PTPRN2: variants seen among roughly 807,000 people sequenced by gnomAD.
PTPRN2 encodes receptor-type tyrosine-protein phosphatase N2.
Under a neutral mutation model 118.8 loss-of-function variants are expected in PTPRN2, and 74 were observed. The ratio of observed to expected loss-of-function variants is 0.62; its 90% CI spans 0.52 to 0.76. The LOEUF is 0.76. Among genes scored for constraint, PTPRN2 ranks in the 30% least tolerant of loss-of-function variants. The pLI is 0.00. For missense variants in PTPRN2, 1,481 were observed against 1,394.4 expected (o/e 1.06, Z -0.99); for synonymous variants, 641 against 608.0 (o/e 1.05, Z -0.80).
chr7:158,037,119 A>T (rs967968229), intron 11 of PTPRN2, among the ~76,000 whole-genome samples: 1 of 152,244 alleles, frequency 6.6e-6, no homozygotes, highest in Non-Finnish European at 1.5e-5. Flanking sequence ...AATAGTTAGA[A>T]GTTAATTTAA....
chr7:158,182,792 T>C (rs1824823311), intron 5 of PTPRN2, among the ~76,000 whole-genome samples: 1 of 152,248 alleles, frequency 6.6e-6, no homozygotes, highest in African/African-American at 2.4e-5. Context: ...GTTATGTAAA[T>C]ATCTGTTAGA....
chr7:157,540,670 C>T lies in PTPRN2; in HGVS notation c.*44G>A. The T allele has an allele frequency of 5.5e-6, 8 of 1,446,062 alleles. No individual in the cohort carries two copies. Among genetic ancestry groups the T allele is most frequent in the Non-Finnish European group, 7.6e-6 (8 of 1,054,154 alleles). 89.6% of individuals were successfully genotyped at this position (1,446,062 alleles called of 1,614,324 possible). ...AAAGTCAGATCATGATTCCTGACAACATCCGTGGGGTGGGGGCTCCCCTGA... is the reference window on the plus strand; with the variant it reads ...AAAGTCAGATCATGATTCCTGACAATATCCGTGGGGTGGGGGCTCCCCTGA... On this transcript the variant is annotated 3_prime_UTR_variant, in exon 23 of 23. Coordinates refer to ENST00000389418, the MANE Select transcript of PTPRN2 (RefSeq NM_002847.5).
rs1055067820 is a variant in PTPRN2 at position 157,779,957 on chromosome 7, G to A, written c.1789-97020C>T. On this transcript the variant is annotated intron_variant, in intron 12 of 22. Transcript: ENST00000389418. The surrounding 1 kb of genome is among the most constrained non-coding windows in gnomAD (Gnocchi z 4.7). ...AACTCTCAGACTGCTGTGTCCACAC[G>A]GGTTAATAAAAATGCTGACCCCAGT... Among the ~76,000 whole-genome samples the A allele has an allele frequency of 3.9e-5, 6 of 152,126 alleles. No individual in the cohort carries two copies. The highest frequency in any genetic ancestry group is 8.8e-5 in the Non-Finnish European group (6 of 68,016).
chr7:157,839,828 T>A (rs1808240821), intron 12 of PTPRN2, among the ~76,000 whole-genome samples: 1 of 151,596 alleles, frequency 6.6e-6, no homozygotes, highest in African/African-American at 2.4e-5. Context: ...TGTGACTGTG[T>A]GGCCACGTGT....
At chr7:158,215,916 T>C (rs1220069151) in intron 3 of PTPRN2, among the ~76,000 whole-genome samples, 1 of 152,178 alleles carries the variant, frequency 6.6e-6, no homozygotes, top group Non-Finnish European at 1.5e-5. Flanking sequence ...AAAAGGAATT[T>C]TGGAGCATCA....
chr7:157,906,020 G>A (rs1458675510), intron 11 of PTPRN2, among the ~76,000 whole-genome samples: 2 of 152,218 alleles, frequency 1.3e-5, no homozygotes, highest in East Asian at 1.9e-4. Flanking sequence ...CCCCCGTGCA[G>A]GGGGTCAGCA....
At chr7:158,067,783 C>T (rs944704817) in intron 11 of PTPRN2, among the ~76,000 whole-genome samples, 16 of 152,104 alleles carry the variant, frequency 1.1e-4, no homozygotes, top group Middle Eastern at 3.4e-3. Flanking sequence ...CAGGCCGGGC[C>T]GCGGGCAGCA....
At chr7:158,224,180 C>T (rs535672246) in intron 3 of PTPRN2, among the ~76,000 whole-genome samples, 2 of 152,100 alleles carry the variant, frequency 1.3e-5, no homozygotes, top group Non-Finnish European at 2.9e-5. Flanking sequence ...TGTCAACTCT[C>T]CCCAGATTGA....
At chr7:158,569,011 C>T (rs1827817221) in intron 1 of PTPRN2, among the ~76,000 whole-genome samples, 1 of 152,042 alleles carries the variant, frequency 6.6e-6, no homozygotes, top group Non-Finnish European at 1.5e-5. Flanking sequence ...CTGTGGTCCC[C>T]GCTCCTGGGG....
intron 11 of PTPRN2, among the ~76,000 whole-genome samples, chr7:157,951,043 C>A (rs1360474652): frequency 6.6e-6 from 1 of 152,186 alleles, no homozygotes; most frequent in Non-Finnish European, 1.5e-5. Flanking sequence ...TCCAACACAG[C>A]TTTATCTTAC....
chr7:158,249,428 TCA>T (rs1436403183), intron 3 of PTPRN2, among the ~76,000 whole-genome samples: 6 of 144,024 alleles, frequency 4.2e-5, no homozygotes, highest in Non-Finnish European at 4.5e-5. Context: ...TGCACACGCA[TCA>T]CACACATGCA....
At chr7:158,587,525 TG>T in intron 1 of PTPRN2, 32 bp downstream of exon 1, 1 of 1,129,394 alleles carries the variant, frequency 8.9e-7, no homozygotes, top group Non-Finnish European at 1.1e-6. Flanking sequence ...ACTAATTCAT[TG>T]AGGCGCCCCT....
rs539164341 is a variant in PTPRN2 at position 157,893,867 on chromosome 7, C to T, written c.1788+4806G>A. On this transcript the variant is annotated intron_variant, in intron 12 of 22. Transcript: ENST00000389418. This position sits in a 1 kb window ranked among gnomAD's most constrained non-coding sequence, Gnocchi z 4.0. ...TGGAGAGTCCAATCTGTAGAACTCA[C>T]GGAGGAGGAGCTGGTCGACTTGAAG... Among the ~76,000 whole-genome samples, 14 of 152,238 alleles carry T rather than the reference C, an allele frequency of 9.2e-5. 1 individual carries two copies. The highest frequency in any genetic ancestry group is 2.4e-4 in the African/African-American group (10 of 41,530).
At chr7:158,213,205 CTTGTGTGT>C (rs1446880192) in intron 3 of PTPRN2, among the ~76,000 whole-genome samples, 3 of 94,762 alleles carry the variant, frequency 3.2e-5, no homozygotes, top group Non-Finnish European at 6.1e-5. Flanking sequence ...TGGCTCTGTG[CTTGTGTGT>C]GTGTGTGTGT....
chr7:158,043,777 A>C (rs892207598), intron 11 of PTPRN2, among the ~76,000 whole-genome samples: 3 of 152,224 alleles, frequency 2.0e-5, no homozygotes, highest in African/African-American at 7.2e-5. Flanking sequence ...CACTGCAGAC[A>C]CTTCTGGAAA....
intron 20 of PTPRN2, among the ~76,000 whole-genome samples, chr7:157,570,631 G>C (rs1663717783): frequency 6.6e-6 from 1 of 152,190 alleles, no homozygotes; most frequent in Non-Finnish European, 1.5e-5. Flanking sequence ...TTACTGGTGT[G>C]GTTTTAACGT....
chr7:158,301,273 G>A (rs565445480), intron 3 of PTPRN2, among the ~76,000 whole-genome samples: 2 of 152,278 alleles, frequency 1.3e-5, no homozygotes, highest in East Asian at 1.9e-4. Flanking sequence ...GAACACAGAC[G>A]AACCACGACC....
rs1219083949 is a variant in PTPRN2 at position 157,763,225 on chromosome 7, A to T, written c.1789-80288T>A. On this transcript the variant is annotated intron_variant, in intron 12 of 22. Transcript: ENST00000389418. This position sits in a 1 kb window ranked among gnomAD's most constrained non-coding sequence, Gnocchi z 4.9. Reference sequence around the variant, plus strand: ...GTGGGAAGGAGAGGGAGATGCCCTGAGGTGTCCAGTCCAACTCAAATTTCC... The same window carrying T: ...GTGGGAAGGAGAGGGAGATGCCCTGTGGTGTCCAGTCCAACTCAAATTTCC... Among the ~76,000 whole-genome samples, 1 of 152,216 alleles carries T rather than the reference A, an allele frequency of 6.6e-6. No homozygotes were observed. The highest frequency in any genetic ancestry group is 1.5e-5 in the Non-Finnish European group (1 of 68,030).
At chr7:157,656,586 T>C (rs1248422015) in intron 13 of PTPRN2, 35 bp from the exon 14 acceptor site, 2 of 1,488,518 alleles carry the variant, frequency 1.3e-6, no homozygotes, top group Admixed American at 2.0e-5. Context: ...AGGGGGTTAG[T>C]GGCATTGGGG....
Sources: gnomAD v4.1 joint callset for allele counts (sites outside exome capture counted in the v4.1 genomes callset) on GRCh38, gnomAD v4.1.1 for gene constraint, Gnocchi (gnomAD v3.1) non-coding constraint, MANE v1.5 for transcripts, NCBI Gene and HGNC (gene_info 2026-07-23, HGNC 2026-07-21) for gene names.